PRP4K: variants seen among roughly 807,000 people sequenced by gnomAD.
PRP4K encodes the protein serine/threonine-protein kinase PRP4 homolog.
At chr6:4,058,982 G>T in the PRP4K span, 2 of 520,034 alleles carry the variant, frequency 3.8e-6, no homozygotes, top group Middle Eastern at 5.1e-4. Flanking sequence ...AAGATGGAGG[G>T]ATTTTAAAAT....
At chr6:4,052,586 G>A in the PRP4K span, 1 of 637,470 alleles carries the variant, frequency 1.6e-6, no homozygotes, top group Non-Finnish European at 2.6e-6. Flanking sequence ...TTTATCAAAT[G>A]TGGGGGTGGT....
the PRP4K span, chr6:4,052,837 T>A: frequency 6.2e-7 from 1 of 1,613,230 alleles, no homozygotes; most frequent in Non-Finnish European, 8.5e-7. Context: ...AAAGATGCAA[T>A]ATCCTACATG....
the PRP4K span, among the ~76,000 whole-genome samples, chr6:4,051,609 G>A: frequency 6.6e-6 from 1 of 152,132 alleles, no homozygotes. Context: ...GAGCTACCGC[G>A]CCTGGCCTGT....
the PRP4K span, among the ~76,000 whole-genome samples, chr6:4,038,981 C>T: frequency 6.7e-6 from 1 of 149,972 alleles, no homozygotes; most frequent in African/African-American, 2.5e-5. Flanking sequence ...TATTGTTCCA[C>T]GTATTAACAT....
chr6:4,059,579 G>A, the PRP4K span, among the ~76,000 whole-genome samples: 127 of 152,292 alleles, frequency 8.3e-4, no homozygotes, highest in South Asian at 1.9e-3. Context: ...GGTAGGGAAA[G>A]TACAGTGCAA....
At chr6:4,052,134 C>G in the PRP4K span, 2 of 1,507,466 alleles carry the variant, frequency 1.3e-6, no homozygotes, top group Non-Finnish European at 1.8e-6. Context: ...GCAAATTTAA[C>G]TTCTTCATCT....
At chr6:4,034,989 GCCTGA>G in the PRP4K span, among the ~76,000 whole-genome samples, 1 of 152,022 alleles carries the variant, frequency 6.6e-6, no homozygotes, top group African/African-American at 2.4e-5. Flanking sequence ...GGGATTACAG[GCCTGA>G]GCCACTGTTT....
chr6:4,060,349 C>T, the PRP4K span: 2 of 1,424,412 alleles, frequency 1.4e-6, no homozygotes, highest in East Asian at 2.4e-5. The surrounding 1 kb of genome is among the most constrained non-coding windows in gnomAD (Gnocchi z 4.7). Context: ...CCAAAACAAT[C>T]TGATTTAAGT....
the PRP4K span, among the ~76,000 whole-genome samples, chr6:4,051,602 C>G: frequency 2.0e-5 from 3 of 152,218 alleles, no homozygotes; most frequent in African/African-American, 4.8e-5. Context: ...CAGGCATGAG[C>G]TACCGCGCCT....
the PRP4K span, chr6:4,042,337 A>C: frequency 1.7e-6 from 1 of 596,056 alleles, no homozygotes; most frequent in Non-Finnish European, 2.9e-6. Context: ...CAAACCAGGC[A>C]GTTAACTGAG....
the PRP4K span, among the ~76,000 whole-genome samples, chr6:4,057,985 A>T: frequency 6.6e-6 from 1 of 152,178 alleles, no homozygotes; most frequent in East Asian, 1.9e-4. Flanking sequence ...CGTAAAGGTC[A>T]GAAAACTGTA....
the PRP4K span, among the ~76,000 whole-genome samples, chr6:4,042,285 A>G: frequency 6.6e-6 from 1 of 152,324 alleles, no homozygotes; most frequent in African/African-American, 2.4e-5. Context: ...GAAATAGATG[A>G]GAAGAAAACT....
the PRP4K span, among the ~76,000 whole-genome samples, chr6:4,060,039 A>AGAT: frequency 6.6e-6 from 1 of 152,262 alleles, no homozygotes; most frequent in African/African-American, 2.4e-5. This position sits in a 1 kb window ranked among gnomAD's most constrained non-coding sequence, Gnocchi z 4.7. Context: ...TTAAATGAAT[A>AGAT]GATGATGATG....
At chr6:4,051,971 T>C in the PRP4K span, 1 of 1,575,612 alleles carries the variant, frequency 6.3e-7, no homozygotes, top group Non-Finnish European at 8.6e-7. Context: ...AAGACTGGTT[T>C]AAAAGAATTA....
At chr6:4,042,707 A>G in the PRP4K span, 2 of 602,920 alleles carry the variant, frequency 3.3e-6, no homozygotes, top group Non-Finnish European at 5.4e-6. Flanking sequence ...AAGTTTGAAA[A>G]AATGATCTTT....
chr6:4,031,678 A>G, the PRP4K span: 4 of 1,606,374 alleles, frequency 2.5e-6, no homozygotes, highest in Admixed American at 1.7e-5. Flanking sequence ...AGAAGTAAAC[A>G]TAAGAAACAT....
the PRP4K span, chr6:4,037,394 A>G: frequency 6.2e-7 from 1 of 1,601,500 alleles, no homozygotes; most frequent in Non-Finnish European, 8.5e-7. Context: ...TGATCCCCTT[A>G]AGAACACGAC....
chr6:4,032,845 A>G, the PRP4K span: 2 of 1,312,208 alleles, frequency 1.5e-6, no homozygotes, highest in Admixed American at 2.9e-5. Context: ...AAAATGAAGT[A>G]GTAAGTAAAA....
the PRP4K span, among the ~76,000 whole-genome samples, chr6:4,022,179 C>CTTTT: frequency 3.3e-5 from 1 of 30,422 alleles, no homozygotes; most frequent in Non-Finnish European, 5.6e-5. Context: ...TTTTTTTTGC[C>CTTTT]TGAGTTTATA....
Sources: gnomAD v4.1 joint callset for allele counts (sites outside exome capture counted in the v4.1 genomes callset) on GRCh38, gnomAD v4.1.1 for gene constraint, Gnocchi (gnomAD v3.1) non-coding constraint, MANE v1.5 for transcripts, NCBI Gene and HGNC (gene_info 2026-07-23, HGNC 2026-07-21) for gene names.